The following UBE2E2 variants were observed in gnomAD, a reference collection of about 807,000 sequenced individuals.
The protein encoded by UBE2E2 is ubiquitin conjugating enzyme E2 E2.
A neutral mutation model predicts 24.7 loss-of-function variants in UBE2E2; 6 were observed. The ratio of observed to expected loss-of-function variants is 0.24; its 90% confidence interval spans 0.13 to 0.48. UBE2E2 has a LOEUF of 0.48. Among genes scored for constraint, UBE2E2 ranks in the 20% least tolerant of loss-of-function variants. The pLI, the probability that UBE2E2 is intolerant of heterozygous loss-of-function variation, is 0.99. For synonymous variants in UBE2E2, 104 were observed against 83.6 expected, an observed-to-expected ratio of 1.24 and a Z score of -1.33; for missense variants, 169 against 245.0, an observed-to-expected ratio of 0.69 and a Z score of 2.07.
chr3:23,445,043 G>A (rs973741057), intron 3 of UBE2E2, among the ~76,000 whole-genome samples: 16 of 152,108 alleles, frequency 1.1e-4, no homozygotes, highest in African/African-American at 3.1e-4. Flanking sequence ...CCAAGTGATC[G>A]GTTTCCTTGA....
chr3:23,578,186 G>A (rs1696391141), intron 5 of UBE2E2, among the ~76,000 whole-genome samples: 1 of 152,048 alleles, frequency 6.6e-6, no homozygotes, highest in Non-Finnish European at 1.5e-5. Flanking sequence ...ATGAAAAAAA[G>A]CTCAAAATCA....
chr3:23,460,492 A>C (rs1698784013), intron 3 of UBE2E2, among the ~76,000 whole-genome samples: 1 of 152,216 alleles, frequency 6.6e-6, no homozygotes, highest in Non-Finnish European at 1.5e-5. Flanking sequence ...TTTGGTGTGT[A>C]ATAAGCCCTC....
intron 3 of UBE2E2, 53 bp downstream of exon 3, chr3:23,217,365 G>T: frequency 3.9e-6 from 6 of 1,528,054 alleles, no homozygotes; most frequent in South Asian, 1.1e-5. Flanking sequence ...AGGTGCATTT[G>T]AACTGTTGGT....
chr3:23,269,311 A>T (rs981955943), intron 3 of UBE2E2, among the ~76,000 whole-genome samples: 5 of 152,226 alleles, frequency 3.3e-5, no homozygotes, highest in Non-Finnish European at 7.3e-5. Context: ...CATCTGACAA[A>T]GGGCTAATAT....
At chr3:23,233,047 G>A (rs766944973) in intron 3 of UBE2E2, among the ~76,000 whole-genome samples, 2 of 152,176 alleles carry the variant, frequency 1.3e-5, no homozygotes, top group Non-Finnish European at 2.9e-5. Flanking sequence ...ATGTAGCCCT[G>A]CATTTGCAGT....
intron 3 of UBE2E2, among the ~76,000 whole-genome samples, chr3:23,494,766 C>T (rs558528223): frequency 6.6e-6 from 1 of 152,018 alleles, no homozygotes; most frequent in African/African-American, 2.4e-5. Flanking sequence ...ACTCTGCCAC[C>T]CAGGCTGGAG....
At chr3:23,459,916 C>G (rs564404224) in intron 3 of UBE2E2, among the ~76,000 whole-genome samples, 7 of 152,132 alleles carry the variant, frequency 4.6e-5, no homozygotes, top group Non-Finnish European at 1.0e-4. Context: ...ACAAAATGTA[C>G]TTATGCCAAC....
chr3:23,206,769 G>T (rs1417404251), intron 1 of UBE2E2, among the ~76,000 whole-genome samples: 1 of 152,228 alleles, frequency 6.6e-6, no homozygotes, highest in Non-Finnish European at 1.5e-5. Context: ...CAAGCTACAA[G>T]TTAAATCTTT....
At position 23,283,081 on chromosome 3, in the gene UBE2E2, G is replaced by C. The variant is rs568729939; in HGVS notation, c.227+65769G>C. On this transcript the variant is annotated intron_variant, in intron 3 of 5. Transcript: ENST00000396703. ...GTCTTTAAACTGTTCAGGACAGCTAGAACAGGTTGGTTTTCTGATTAAAAT... is the reference window on the plus strand; with the variant it reads ...GTCTTTAAACTGTTCAGGACAGCTACAACAGGTTGGTTTTCTGATTAAAAT... Among the ~76,000 whole-genome samples, 29 of 152,280 alleles carry C rather than the reference G, an allele frequency of 1.9e-4. No homozygotes were observed. The South Asian group carries it at 6.0e-3, about 32-fold the overall frequency.
intron 3 of UBE2E2, among the ~76,000 whole-genome samples, chr3:23,389,030 AG>A (rs1696875209): frequency 6.6e-6 from 1 of 151,946 alleles, no homozygotes; most frequent in African/African-American, 2.4e-5. Context: ...AAAAAGAAAA[AG>A]AAAAAAACAT....
rs1364248129 is a variant in UBE2E2, at chr3:23,360,064, GTTC to G, written c.228-139538_228-139536del. Reference sequence around the variant, plus strand: ...AATTAGTTTTCCTTGGCAGTCTTCAGTTCTTCTTTCAGATCAGAAATAGTATCC... The same window carrying G: ...AATTAGTTTTCCTTGGCAGTCTTCAGTTCTTTCAGATCAGAAATAGTATCC... On this transcript the variant is annotated intron_variant, in intron 3 of 5. Transcript: ENST00000396703. 2.2e-4 allele frequency among the ~76,000 whole-genome samples: 33 copies of G among 152,240 alleles called. 1 individual carries two copies. Among genetic ancestry groups the G allele is most frequent in the Admixed American group, 1.5e-3 (23 of 15,288 alleles).
At chr3:23,284,950 G>C (rs1462301011) in intron 3 of UBE2E2, among the ~76,000 whole-genome samples, 1 of 116,808 alleles carries the variant, frequency 8.6e-6, no homozygotes, top group Non-Finnish European at 1.7e-5. Flanking sequence ...ATAGCTTCTT[G>C]TTGGAAAAAA....
chr3:23,269,428 T>C (rs1698171694), intron 3 of UBE2E2, among the ~76,000 whole-genome samples: 1 of 152,224 alleles, frequency 6.6e-6, no homozygotes, highest in Non-Finnish European at 1.5e-5. Flanking sequence ...GGGGCTCTAT[T>C]GCTCTTGGGG....
intron 3 of UBE2E2, among the ~76,000 whole-genome samples, chr3:23,426,696 A>T (rs1697935855): frequency 6.6e-6 from 1 of 152,200 alleles, no homozygotes; most frequent in Non-Finnish European, 1.5e-5. Flanking sequence ...AAAAATTGAG[A>T]GAATTTGTTG....
At chr3:23,412,121 C>A (rs991972703) in intron 3 of UBE2E2, among the ~76,000 whole-genome samples, 1 of 151,966 alleles carries the variant, frequency 6.6e-6, no homozygotes, top group Non-Finnish European at 1.5e-5. Flanking sequence ...AAAGCTCCCC[C>A]CAAGATGGTG....
At chr3:23,384,072 T>G (rs1696746037) in intron 3 of UBE2E2, among the ~76,000 whole-genome samples, 2 of 152,204 alleles carry the variant, frequency 1.3e-5, no homozygotes, top group African/African-American at 4.8e-5. Context: ...CATAGCTCAC[T>G]GTAACCTTAA....
intron 3 of UBE2E2, among the ~76,000 whole-genome samples, chr3:23,239,010 G>A (rs1319610285): frequency 2.0e-5 from 3 of 152,222 alleles, no homozygotes; most frequent in Non-Finnish European, 2.9e-5. Flanking sequence ...TGGAACATGC[G>A]TGAATTTGTT....
intron 3 of UBE2E2, among the ~76,000 whole-genome samples, chr3:23,293,543 G>T (rs1383516720): frequency 1.3e-5 from 2 of 152,116 alleles, no homozygotes; most frequent in African/African-American, 4.8e-5. Flanking sequence ...AGCAAACATT[G>T]GTTCTAGTTA....
intron 3 of UBE2E2, among the ~76,000 whole-genome samples, chr3:23,452,262 C>A (rs1169526396): frequency 6.6e-6 from 1 of 152,148 alleles, no homozygotes; most frequent in African/African-American, 2.4e-5. Context: ...TAAGGTCCTA[C>A]ATTTACTTGT....
Sources: allele counts gnomAD v4.1 joint callset (sites outside exome capture counted in the v4.1 genomes callset), GRCh38; gene constraint gnomAD v4.1.1; transcripts MANE v1.5; gene names NCBI Gene and HGNC (gene_info 2026-07-23, HGNC 2026-07-21).